The following FAM193A variants were observed in gnomAD, a reference collection of about 807,000 sequenced individuals.
FAM193A encodes protein FAM193A.
FAM193A carries 22 observed loss-of-function variants against 126.5 expected under a neutral mutation model. The ratio of observed to expected loss-of-function variants is 0.17; its 90% CI spans 0.12 to 0.25. The LOEUF is 0.25. Ranked by LOEUF, FAM193A falls within the 10% of genes least tolerant of loss-of-function variation. The probability of loss-of-function intolerance (pLI) is 1.00; values close to 1 mark genes in which losing one functional copy is unlikely to be tolerated. For synonymous variants in FAM193A, 761 were observed against 646.8 expected (o/e 1.18, Z -2.68); for missense variants, 1,675 against 1,672.8 (o/e 1.00, Z -0.02).
intron 1 of FAM193A, among the ~76,000 whole-genome samples, chr4:2,548,330 C>G (rs536500805): frequency 2.0e-5 from 3 of 152,212 alleles, no homozygotes; most frequent in Admixed American, 2.0e-4. Flanking sequence ...CTCGGCCTCC[C>G]AAAGTACTGG....
chr4:2,555,772 C>T (rs967425598), intron 1 of FAM193A, among the ~76,000 whole-genome samples: 4 of 150,132 alleles, frequency 2.7e-5, no homozygotes, highest in African/African-American at 9.8e-5. Flanking sequence ...CGCCCACCAC[C>T]ACACCCAGAG....
At chr4:2,693,903 G>C (rs763062740) in intron 16 of FAM193A, 29 bp downstream of exon 16, 1 of 1,595,538 alleles carries the variant, frequency 6.3e-7, no homozygotes, top group Admixed American at 1.7e-5. Context: ...GGGGACGTGG[G>C]AGCACTTTGG....
At position 2,691,467 on chromosome 4, in the gene FAM193A, C is replaced by G. The variant is rs781463743; in HGVS notation, c.2803+497C>G. On this transcript the variant is annotated intron_variant, in intron 15 of 20. Coordinates refer to ENST00000637812, the MANE Select transcript of FAM193A (RefSeq NM_001366318.2). ...GCTTTCTGAGCATGTGGCAAGATTT[C>G]TCAGAAGCTGCTTTAGGAAAATGCT... is the stretch of plus-strand genomic sequence containing the variant. 3.1e-4 allele frequency among the ~76,000 whole-genome samples: 47 copies of G among 152,172 alleles called. 1 individual carries two copies. Among genetic ancestry groups the G allele is most frequent in the Admixed American group, 2.4e-3 (36 of 15,286 alleles).
chr4:2,694,239 CAACA>C, intron 16 of FAM193A, among the ~76,000 whole-genome samples: 1 of 152,176 alleles, frequency 6.6e-6, no homozygotes, highest in Non-Finnish European at 1.5e-5. Flanking sequence ...AAACACAATA[CAACA>C]AACACTCAAC....
chr4:2,706,817 G>T (rs16843240), intron 19 of FAM193A, among the ~76,000 whole-genome samples: 4,023 of 151,432 alleles, frequency 0.027, 98 homozygotes, highest in South Asian at 0.099. Flanking sequence ...GCATCAATGT[G>T]CCTGGCTCCA....
At chr4:2,639,650 A>AG in intron 5 of FAM193A, 85 bp from the exon 6 acceptor site, 2 of 906,680 alleles carry the variant, frequency 2.2e-6, no homozygotes, top group Admixed American at 3.0e-5. Context: ...GGAAATGGGG[A>AG]GGGGGGAGGG....
At chr4:2,590,821 A>G (rs1740526681) in intron 1 of FAM193A, among the ~76,000 whole-genome samples, 3 of 151,880 alleles carry the variant, frequency 2.0e-5, no homozygotes, top group Admixed American at 2.0e-4. Flanking sequence ...AGGTCAGGAG[A>G]TCGAGACCAT....
At chr4:2,679,375 CTTTTTTTTTTTTTT>C (rs796366785) in intron 13 of FAM193A, among the ~76,000 whole-genome samples, 214 of 87,904 alleles carry the variant, frequency 2.4e-3, no homozygotes, top group Middle Eastern at 9.4e-3. Context: ...AGTTTTCTTT[CTTTTTTTTTTTTTT>C]TTTTTTTTTT....
chr4:2,576,818 G>A (rs1165766762), intron 1 of FAM193A, among the ~76,000 whole-genome samples: 2 of 152,228 alleles, frequency 1.3e-5, no homozygotes, highest in African/African-American at 4.8e-5. Flanking sequence ...CCAATTTTAT[G>A]CTGTGGTAAT....
At chr4:2,546,453 ACTGTGTT>A (rs1737559921) in intron 1 of FAM193A, among the ~76,000 whole-genome samples, 1 of 152,106 alleles carries the variant, frequency 6.6e-6, no homozygotes, top group Non-Finnish European at 1.5e-5. Context: ...GGCAGCCATT[ACTGTGTT>A]GCTTGGTATG....
intron 1 of FAM193A, among the ~76,000 whole-genome samples, chr4:2,563,815 G>T (rs548963524): frequency 6.6e-6 from 1 of 152,230 alleles, no homozygotes; most frequent in East Asian, 1.9e-4. Context: ...GAGATGTTAG[G>T]GAAGGAAAGT....
At chr4:2,546,007 GT>G in intron 1 of FAM193A, among the ~76,000 whole-genome samples, 1 of 152,210 alleles carries the variant, frequency 6.6e-6, no homozygotes, top group South Asian at 2.1e-4. Context: ...AATTAGCGGG[GT>G]GTGGTAGCAG....
At chr4:2,600,370 C>T (rs145410291) in intron 2 of FAM193A, among the ~76,000 whole-genome samples, 7 of 152,322 alleles carry the variant, frequency 4.6e-5, no homozygotes, top group African/African-American at 1.7e-4. Flanking sequence ...TATGCTGGTC[C>T]AGCCCTGTCT....
chr4:2,540,265 C>T (rs980932891), intron 1 of FAM193A, among the ~76,000 whole-genome samples: 3 of 151,836 alleles, frequency 2.0e-5, no homozygotes, highest in African/African-American at 4.8e-5. Flanking sequence ...GTCAGGAGAT[C>T]GAGACCATCC....
At chr4:2,557,069 A>G (rs921498796) in intron 1 of FAM193A, among the ~76,000 whole-genome samples, 58 of 152,302 alleles carry the variant, frequency 3.8e-4, no homozygotes, top group African/African-American at 1.3e-3. Context: ...AAAATATACT[A>G]TGTTTTTCCT....
chr4:2,594,889 C>T (rs542886699), intron 1 of FAM193A, among the ~76,000 whole-genome samples: 5 of 118,056 alleles, frequency 4.2e-5, no homozygotes, highest in South Asian at 2.8e-4. Context: ...AATGCAGTGG[C>T]GTGATCTTGG....
rs1004367071 is a variant in FAM193A, at chr4:2,668,248, C to T, written c.2080-3873C>T. The stretch of plus-strand genomic sequence containing the variant: ...TTTTTTTTTGATACAGAGTCTCGCT[C>T]TGTCACCCAGGCTGGAGTGCAGTGG... On this transcript the variant is annotated intron_variant, in intron 12 of 20. Transcript: ENST00000637812. Among the ~76,000 whole-genome samples, 229 of 149,228 alleles carry T rather than the reference C, an allele frequency of 1.5e-3. 3 individuals carry two copies. The highest frequency in any genetic ancestry group is 7.4e-4 in the Non-Finnish European group (50 of 67,632).
intron 13 of FAM193A, among the ~76,000 whole-genome samples, chr4:2,683,907 T>C (rs2109229971): frequency 6.6e-6 from 1 of 152,358 alleles, no homozygotes. Flanking sequence ...AAGTTTCTGC[T>C]GACATATCTT....
intron 19 of FAM193A, 139 bp downstream of exon 19, chr4:2,700,683 A>G (rs916727149): frequency 2.8e-6 from 3 of 1,057,364 alleles, no homozygotes; most frequent in Admixed American, 2.7e-5. Flanking sequence ...TAGAGGGGCC[A>G]GGCATGGTGG....
Sources: gnomAD v4.1 joint callset for allele counts (sites outside exome capture counted in the v4.1 genomes callset) on GRCh38, gnomAD v4.1.1 for gene constraint, MANE v1.5 for transcripts, NCBI Gene and HGNC (gene_info 2026-07-23, HGNC 2026-07-21) for gene names.